Variants in ZSWIM5 observed in about 807,000 individuals in gnomAD.
ZSWIM5 encodes the protein zinc finger SWIM-type containing 5.
In ZSWIM5, 55 loss-of-function variants were observed where a neutral mutation model predicts 119.6. The observed-to-expected ratio is 0.46, with a 90% CI of 0.37 to 0.58. The LOEUF is 0.58. ZSWIM5 is among the 20% of genes least tolerant of loss of function. ZSWIM5 has a pLI of 0.00. For missense variants in ZSWIM5, 1,193 were observed against 1,512.8 expected (o/e 0.79, Z 3.51); for synonymous variants, 537 against 606.9 (o/e 0.88, Z 1.69).
chr1:45,046,634 ATGTGTG>A (rs60762459), intron 5 of ZSWIM5, among the ~76,000 whole-genome samples: 2 of 147,420 alleles, frequency 1.4e-5, no homozygotes, highest in Non-Finnish European at 3.0e-5. Context: ...TGGGCAAGAT[ATGTGTG>A]TGTGTGTGTG....
At chr1:45,155,758 T>C (rs1645823362) in intron 1 of ZSWIM5, among the ~76,000 whole-genome samples, 1 of 152,200 alleles carries the variant, frequency 6.6e-6, no homozygotes, top group Non-Finnish European at 1.5e-5. Context: ...TGGACACTAG[T>C]ATTCTAACCG....
intron 1 of ZSWIM5, among the ~76,000 whole-genome samples, chr1:45,153,093 T>TAAAAAAAA (rs76324771): frequency 1.4e-4 from 15 of 105,746 alleles, no homozygotes; most frequent in South Asian, 3.3e-4. Context: ...ATTAAAAAGT[T>TAAAAAAAA]AAAAAAAAAA....
intron 1 of ZSWIM5, among the ~76,000 whole-genome samples, chr1:45,178,285 G>A (rs1645993119): frequency 6.6e-6 from 1 of 152,100 alleles, no homozygotes; most frequent in African/African-American, 2.4e-5. Context: ...ATAGCTGGGT[G>A]TGGTGGCGCA....
chr1:45,023,802 G>C (rs72684412), intron 11 of ZSWIM5, among the ~76,000 whole-genome samples: 5 of 152,204 alleles, frequency 3.3e-5, no homozygotes, highest in African/African-American at 1.2e-4. Context: ...GTCTTCTAAA[G>C]TAACTGTACC....
chr1:45,037,607 A>G (rs1463983513), intron 8 of ZSWIM5, among the ~76,000 whole-genome samples: 3 of 152,240 alleles, frequency 2.0e-5, no homozygotes, highest in African/African-American at 7.2e-5. Context: ...GAATAAACCC[A>G]AGTGCAAACT....
chr1:45,186,593 TTTTATTTA>T (rs57251068), intron 1 of ZSWIM5, among the ~76,000 whole-genome samples: 5 of 150,660 alleles, frequency 3.3e-5, no homozygotes, highest in South Asian at 2.1e-4. Flanking sequence ...AACAACTTGG[TTTTATTTA>T]TTTATTTATT....
At chr1:45,194,307 T>C (rs1219298911) in intron 1 of ZSWIM5, among the ~76,000 whole-genome samples, 1 of 152,168 alleles carries the variant, frequency 6.6e-6, no homozygotes, top group African/African-American at 2.4e-5. Context: ...GACCAAAAGA[T>C]AATGGAAGCA....
chr1:45,049,238 T>G (rs939303280), intron 5 of ZSWIM5, among the ~76,000 whole-genome samples: 6 of 152,006 alleles, frequency 3.9e-5, no homozygotes, highest in Non-Finnish European at 7.4e-5. Context: ...GACCCAGAGG[T>G]CTACAGATGA....
chr1:45,024,942 A>G (rs762653272), intron 11 of ZSWIM5, among the ~76,000 whole-genome samples: 1 of 152,196 alleles, frequency 6.6e-6, no homozygotes, highest in Non-Finnish European at 1.5e-5. Context: ...GGTGTGAGCC[A>G]CTGCGCCCGG....
chr1:45,154,473 AC>A (rs1645815580), intron 1 of ZSWIM5, among the ~76,000 whole-genome samples: 1 of 152,190 alleles, frequency 6.6e-6, no homozygotes, highest in Non-Finnish European at 1.5e-5. Context: ...GACGAAACAA[AC>A]AAAAACATAA....
At chr1:45,191,277 A>G (rs1646091662) in intron 1 of ZSWIM5, among the ~76,000 whole-genome samples, 1 of 152,144 alleles carries the variant, frequency 6.6e-6, no homozygotes, top group Non-Finnish European at 1.5e-5. Context: ...AGTCATTTGC[A>G]GGCTGCCCTT....
chr1:45,151,112 T>C (rs1200871559), intron 1 of ZSWIM5, among the ~76,000 whole-genome samples: 2 of 152,190 alleles, frequency 1.3e-5, no homozygotes, highest in Admixed American at 1.3e-4. Flanking sequence ...TATGTCTCTA[T>C]GGACAATGAG....
chr1:45,136,443 T>G (rs1421438494), intron 1 of ZSWIM5, among the ~76,000 whole-genome samples: 1 of 152,148 alleles, frequency 6.6e-6, no homozygotes, highest in East Asian at 1.9e-4. Flanking sequence ...TTATCCCTTT[T>G]TTTTGCTCCT....
intron 1 of ZSWIM5, among the ~76,000 whole-genome samples, chr1:45,133,145 G>A (rs1264759219): frequency 6.6e-6 from 1 of 151,662 alleles, no homozygotes; most frequent in Non-Finnish European, 1.5e-5. Flanking sequence ...AGGATGGCTG[G>A]GTCAAATGGT....
intron 1 of ZSWIM5, among the ~76,000 whole-genome samples, chr1:45,111,897 G>A (rs896014261): frequency 7.2e-5 from 11 of 152,208 alleles, no homozygotes; most frequent in African/African-American, 2.7e-4. Context: ...CATAGGTTCT[G>A]ATGGCTTGTA....
intron 1 of ZSWIM5, among the ~76,000 whole-genome samples, chr1:45,152,700 A>G (rs986827777): frequency 6.6e-5 from 10 of 152,186 alleles, no homozygotes; most frequent in Non-Finnish European, 1.5e-4. Flanking sequence ...CTTGGGAAAG[A>G]ATTTATGACT....
At chr1:45,045,352 A>G (rs1172392216) in intron 5 of ZSWIM5, among the ~76,000 whole-genome samples, 2 of 152,210 alleles carry the variant, frequency 1.3e-5, no homozygotes. Context: ...TGCCCAAATG[A>G]GGTGTGTACC....
intron 1 of ZSWIM5, among the ~76,000 whole-genome samples, chr1:45,188,854 A>G (rs879421114): frequency 1.3e-5 from 2 of 152,246 alleles, no homozygotes; most frequent in Non-Finnish European, 2.9e-5. Flanking sequence ...GTTAAAATCC[A>G]ACTCCTTTTC....
intron 1 of ZSWIM5, among the ~76,000 whole-genome samples, chr1:45,115,120 G>A (rs1365689438): frequency 1.2e-4 from 18 of 152,122 alleles, no homozygotes; most frequent in Non-Finnish European, 1.2e-4. Flanking sequence ...CAACAAAACC[G>A]CCATCGTCAT....
Sources: allele counts gnomAD v4.1 joint callset (sites outside exome capture counted in the v4.1 genomes callset), GRCh38; gene constraint gnomAD v4.1.1; transcripts MANE v1.5; gene names NCBI Gene and HGNC (gene_info 2026-07-23, HGNC 2026-07-21).